Variants in GRIA1 observed in about 807,000 individuals in gnomAD.
The protein encoded by GRIA1 is glutamate ionotropic receptor AMPA type subunit 1.
A neutral mutation model predicts 99.2 loss-of-function variants in GRIA1; 31 were observed. The observed-to-expected ratio is 0.31, with a 90% CI of 0.23 to 0.42. GRIA1 has a LOEUF of 0.42. Ranked by LOEUF, GRIA1 falls within the 10% of genes least tolerant of loss-of-function variation. GRIA1 has a pLI of 1.00. For synonymous variants in GRIA1, 438 were observed against 432.4 expected (o/e 1.01, Z -0.16); for missense variants, 782 against 1,157.5 (o/e 0.68, Z 4.71).
chr5:153,760,316 T>C (rs924986708), intron 11 of GRIA1, among the ~76,000 whole-genome samples: 2 of 151,872 alleles, frequency 1.3e-5, no homozygotes, highest in African/African-American at 4.8e-5. Context: ...TCCAAAAAGC[T>C]AATAGAAATT....
intron 7 of GRIA1, among the ~76,000 whole-genome samples, chr5:153,684,328 T>C (rs1278098897): frequency 6.6e-6 from 1 of 152,238 alleles, no homozygotes; most frequent in East Asian, 1.9e-4. Flanking sequence ...TTTTGAATAC[T>C]CATCATGCAC....
At chr5:153,610,766 A>T (rs192655621) in intron 2 of GRIA1, among the ~76,000 whole-genome samples, 2 of 152,362 alleles carry the variant, frequency 1.3e-5, no homozygotes, top group South Asian at 2.1e-4. Flanking sequence ...TGAGGATTTT[A>T]AAAAGTCATG....
intron 13 of GRIA1, among the ~76,000 whole-genome samples, chr5:153,788,567 C>G (rs957170543): frequency 6.6e-6 from 1 of 152,156 alleles, no homozygotes; most frequent in Non-Finnish European, 1.5e-5. Context: ...CTCTAGTCTC[C>G]GCTTAAATGT....
At chr5:153,760,967 G>C (rs1432769807) in intron 11 of GRIA1, among the ~76,000 whole-genome samples, 2 of 152,204 alleles carry the variant, frequency 1.3e-5, no homozygotes, top group South Asian at 4.1e-4. Flanking sequence ...TGGGAAAATT[G>C]GATATCTACA....
At chr5:153,698,544 C>T (rs940392252) in intron 9 of GRIA1, among the ~76,000 whole-genome samples, 1 of 152,138 alleles carries the variant, frequency 6.6e-6, no homozygotes. Context: ...TCATGAGAAA[C>T]CTGGAGCCTG....
intron 6 of GRIA1, among the ~76,000 whole-genome samples, chr5:153,676,204 A>G (rs1581449260): frequency 6.6e-6 from 1 of 152,356 alleles, no homozygotes; most frequent in East Asian, 1.9e-4. Flanking sequence ...AATTTAAAAA[A>G]TTAGAAAAAT....
chr5:153,492,319 C>A (rs1367444835), intron 1 of GRIA1: 2 of 1,530,772 alleles, frequency 1.3e-6, no homozygotes, highest in Non-Finnish European at 1.7e-6. Flanking sequence ...GTGTACGTAT[C>A]TGTGTGTTAG....
intron 2 of GRIA1, among the ~76,000 whole-genome samples, chr5:153,514,682 G>C (rs1756440469): frequency 6.6e-6 from 1 of 152,080 alleles, no homozygotes; most frequent in South Asian, 2.1e-4. Flanking sequence ...TTTTTTTGTA[G>C]TTCCATACAA....
At chr5:153,584,281 G>T (rs749356330) in intron 2 of GRIA1, among the ~76,000 whole-genome samples, 1 of 152,100 alleles carries the variant, frequency 6.6e-6, no homozygotes, top group African/African-American at 2.4e-5. Context: ...ACTAACATGT[G>T]GTATATATTA....
chr5:153,772,590 G>T (rs1763953550), intron 13 of GRIA1, among the ~76,000 whole-genome samples: 1 of 152,178 alleles, frequency 6.6e-6, no homozygotes, highest in Non-Finnish European at 1.5e-5. Flanking sequence ...CTGGAGAAGT[G>T]TAGACATAAT....
chr5:153,698,070 G>A lies in GRIA1; in HGVS notation c.1161G>A (p.Lys387=), dbSNP rs781595034. The part of the protein sequence containing the change: ...RKIGYWNEDD[K]FVPAATDAQA... Reference sequence around the variant, plus strand: ...TTGGTTACTGGAATGAAGATGATAAGTTTGTCCCTGCAGCCACCGATGCCC... The same window carrying A: ...TTGGTTACTGGAATGAAGATGATAAATTTGTCCCTGCAGCCACCGATGCCC... The change falls in exon 9 of 16, where the codon AAG becomes AAA. Residue 387 remains lysine (K), a synonymous_variant. Transcript: ENST00000285900. The A allele has an allele frequency of 3.7e-6, 6 of 1,607,844 alleles. No individual in the cohort carries two copies. In the South Asian group the frequency reaches 4.4e-5, roughly 12 times the overall value.
chr5:153,660,723 A>G lies in GRIA1; in HGVS notation c.699+4851A>G, dbSNP rs373168704. On this transcript the variant is annotated intron_variant, in intron 5 of 15. Transcript: ENST00000285900. ...AGTGGCACTGAAGCATTCACTTGTT[A>G]GTGCCGCATTTTCCAAACTGGCTCT... 2.0e-5 allele frequency among the ~76,000 whole-genome samples: 3 copies of G among 152,282 alleles called. No homozygotes were observed. In the East Asian group the frequency reaches 5.8e-4, roughly 29 times the overall value.
rs1013348121 is a variant in GRIA1 at position 153,760,085 on chromosome 5, A to C, written c.1824-4349A>C. On this transcript the variant is annotated intron_variant, in intron 11 of 15. Transcript: ENST00000285900. The stretch of plus-strand genomic sequence containing the variant: ...GCCATATATGAAAAATACAGCTAAC[A>C]TCATATTGAATAGGGAAAAGTTGAA... 6.7e-4 allele frequency among the ~76,000 whole-genome samples: 102 copies of C among 152,232 alleles called. 1 individual carries two copies. The highest frequency in any genetic ancestry group is 5.7e-4 in the Non-Finnish European group (39 of 67,956).
At chr5:153,600,682 C>T (rs150466846) in intron 2 of GRIA1, among the ~76,000 whole-genome samples, 2,752 of 152,056 alleles carry the variant, frequency 0.018, 48 homozygotes, top group Non-Finnish European at 0.025. Context: ...GGCTGGGGGG[C>T]CAAAGGGAAA....
intron 6 of GRIA1, 57 bp from the exon 7 acceptor site, chr5:153,676,937 A>G: frequency 1.5e-6 from 2 of 1,319,208 alleles, no homozygotes; most frequent in Non-Finnish European, 2.0e-6. Flanking sequence ...ACAGCACCCA[A>G]ACCTGCCTTC....
chr5:153,729,455 A>G (rs1169782293), intron 11 of GRIA1, among the ~76,000 whole-genome samples: 3 of 152,046 alleles, frequency 2.0e-5, no homozygotes, highest in African/African-American at 4.8e-5. Flanking sequence ...TAAGTAGTGC[A>G]TTTTTTAACC....
At chr5:153,544,659 T>A (rs1255026384) in intron 2 of GRIA1, among the ~76,000 whole-genome samples, 1 of 152,040 alleles carries the variant, frequency 6.6e-6, no homozygotes, top group Non-Finnish European at 1.5e-5. Context: ...TAAATAGTCA[T>A]GGGAAGAGAT....
chr5:153,777,295 A>G (rs1764317895), intron 13 of GRIA1, among the ~76,000 whole-genome samples: 1 of 152,154 alleles, frequency 6.6e-6, no homozygotes, highest in African/African-American at 2.4e-5. Flanking sequence ...GAGGCCCTGA[A>G]GGAATAGGGG....
At chr5:153,755,471 T>A (rs1275598243) in intron 11 of GRIA1, 1 of 152,168 alleles carries the variant, frequency 6.6e-6, no homozygotes, top group Non-Finnish European at 1.5e-5. Flanking sequence ...TGGGCTGTAG[T>A]GTGTTATGAC....
Sources: gnomAD v4.1 joint callset for allele counts (sites outside exome capture counted in the v4.1 genomes callset) on GRCh38, gnomAD v4.1.1 for gene constraint, MANE v1.5 for transcripts, NCBI Gene and HGNC (gene_info 2026-07-23, HGNC 2026-07-21) for gene names.